The following NCS1 variants were observed in gnomAD, a reference collection of about 807,000 sequenced individuals.
NCS1 encodes frequenin homolog.
In NCS1, 6 loss-of-function variants were observed where a neutral mutation model predicts 28.4. That is an observed-to-expected ratio of 0.21 (90% confidence interval 0.12 to 0.42). The LOEUF (loss-of-function observed/expected upper bound fraction) is 0.42. NCS1 is among the 10% of genes least tolerant of loss of function. NCS1 has a pLI of 1.00. For synonymous variants in NCS1, 86 were observed against 99.3 expected (o/e 0.87, Z 0.79); for missense variants, 131 against 241.4 (o/e 0.54, Z 3.03).
chr9:130,218,031 GTCTCCACACCCACTC>G, intron 3 of NCS1, 61 bp downstream of exon 3: 1 of 1,601,498 alleles, frequency 6.2e-7, no homozygotes, highest in Non-Finnish European at 8.5e-7. Flanking sequence ...TACCCGCAGC[GTCTCCACACCCACTC>G]TCTCCTGCCG....
At position 130,235,431 on chromosome 9, in the gene NCS1, G is replaced by T. The variant is rs1467442904; in HGVS notation, c.*2459G>T. The T allele has an allele frequency of 6.6e-6, 1 of 152,576 alleles. No individual in the cohort carries two copies. The highest frequency in any genetic ancestry group is 1.5e-5 in the Non-Finnish European group (1 of 68,302). The allele number at this position is 152,576 out of a possible 1,614,324, so 9.5% of individuals were successfully genotyped here. A position where few individuals can be genotyped will look rare whatever the true frequency, so the allele number is the denominator to read the frequency against. ...TCTCTGGTCCAATGGGACTGACACT[G>T]TTGTACAACCTGACCTGTGGCTGAG... On this transcript the variant is annotated 3_prime_UTR_variant, in exon 8 of 8. Transcript: ENST00000372398.
At chr9:130,198,048 G>GAT (rs1554907037) in intron 1 of NCS1, among the ~76,000 whole-genome samples, 1 of 151,794 alleles carries the variant, frequency 6.6e-6, no homozygotes, top group Non-Finnish European at 1.5e-5. Context: ...GGTGCCAGGG[G>GAT]ATACCTGCCA....
intron 1 of NCS1, among the ~76,000 whole-genome samples, chr9:130,176,057 T>A (rs782621425): frequency 2.0e-5 from 3 of 152,130 alleles, no homozygotes; most frequent in Non-Finnish European, 4.4e-5. Flanking sequence ...GGGTAACTCA[T>A]GTGCAGTGTG....
At chr9:130,216,066 A>T (rs1833180093) in intron 2 of NCS1, among the ~76,000 whole-genome samples, 1 of 152,166 alleles carries the variant, frequency 6.6e-6, no homozygotes, top group Admixed American at 6.5e-5. Context: ...TGGGTGCCCC[A>T]CATGTCCCTT....
In NCS1 at chr9:130,172,626, G is replaced by A. The variant is rs371927482; in HGVS notation, c.-38G>A. The A allele has an allele frequency of 2.0e-3, 2,786 of 1,368,140 alleles. 6 individuals are homozygous for A. The highest frequency in any genetic ancestry group is 2.5e-3 in the Non-Finnish European group (2,604 of 1,034,832). 84.8% of individuals were successfully genotyped at this position (1,368,140 alleles called of 1,614,324 possible). ...CCGCTCCTGCTGGGCGCCCCAACCG[G>A]GTCCGGCCCGGGGGGGCGGGGGCCG... On this transcript the variant is annotated 5_prime_UTR_variant, in exon 1 of 8. Transcript: ENST00000372398.
rs545579229 is a variant in NCS1, at chr9:130,175,485, G to A, written c.64+2758G>A. Among the ~76,000 whole-genome samples, 67 of 152,310 alleles carry A rather than the reference G, an allele frequency of 4.4e-4. No homozygotes were observed. The highest frequency in any genetic ancestry group is 6.8e-3 in the Middle Eastern group (2 of 294). Reference sequence around the variant, plus strand: ...GCCCAGGAATTTGCATCCTTGACACGTGTTTGTGCTGCAGATGGTGGTCCT... The same window carrying A: ...GCCCAGGAATTTGCATCCTTGACACATGTTTGTGCTGCAGATGGTGGTCCT... On this transcript the variant is annotated intron_variant, in intron 1 of 7. Coordinates refer to ENST00000372398, the MANE Select transcript of NCS1 (RefSeq NM_014286.4). The surrounding 1 kb of genome is among the most constrained non-coding windows in gnomAD (Gnocchi z 4.9).
In NCS1 at chr9:130,209,547, G is replaced by A. The variant is rs1202680901; in HGVS notation, c.90-8285G>A. ...TCTATGCCAGGCCAGTGCCGGTTGCGGGCGGGCATCCGGGACTGAGGGGGG... is the reference window on the plus strand; with the variant it reads ...TCTATGCCAGGCCAGTGCCGGTTGCAGGCGGGCATCCGGGACTGAGGGGGG... On this transcript the variant is annotated intron_variant, in intron 2 of 7. Transcript: ENST00000372398. The surrounding 1 kb of genome is among the most constrained non-coding windows in gnomAD (Gnocchi z 4.4). Among the ~76,000 whole-genome samples the A allele has an allele frequency of 6.6e-6, 1 of 152,178 alleles. No homozygotes were observed. Among genetic ancestry groups the A allele is most frequent in the Non-Finnish European group, 1.5e-5 (1 of 68,032 alleles).
chr9:130,224,219 C>T (rs1437924553), intron 6 of NCS1, among the ~76,000 whole-genome samples: 2 of 148,222 alleles, frequency 1.3e-5, no homozygotes, highest in African/African-American at 5.0e-5. Context: ...TTTTGGGAGG[C>T]CGAGGCGGGT....
intron 4 of NCS1, among the ~76,000 whole-genome samples, chr9:130,221,240 T>A (rs1463522284): frequency 1.3e-5 from 2 of 150,802 alleles, no homozygotes; most frequent in African/African-American, 4.9e-5. Flanking sequence ...GCCAGGCTGG[T>A]CTCGAACTCC....
At chr9:130,206,611 C>T (rs546084405) in intron 2 of NCS1, among the ~76,000 whole-genome samples, 2 of 152,064 alleles carry the variant, frequency 1.3e-5, no homozygotes, top group South Asian at 2.1e-4. Flanking sequence ...GATTTCACCA[C>T]GCTGGCCAGG....
chr9:130,226,526 G>A lies in NCS1; in HGVS notation c.*17+22G>A. The stretch of plus-strand genomic sequence containing the variant: ...CTGGGTGAGTGCAGACTCGGGGCCT[G>A]GGGTGGGTCTGGGATGGGTCAGGGG... On this transcript the variant is annotated intron_variant, in intron 7 of 7. Coordinates refer to ENST00000372398, the MANE Select transcript of NCS1 (RefSeq NM_014286.4). This position sits in a 1 kb window ranked among gnomAD's most constrained non-coding sequence, Gnocchi z 4.8. 8 of 1,576,480 alleles carry A rather than the reference G, an allele frequency of 5.1e-6. No individual in the cohort carries two copies. Among genetic ancestry groups the A allele is most frequent in the Non-Finnish European group, 6.9e-6 (8 of 1,152,706 alleles).
At chr9:130,199,098 C>CT (rs10712829) in intron 1 of NCS1, among the ~76,000 whole-genome samples, 93 of 145,236 alleles carry the variant, frequency 6.4e-4, no homozygotes, top group African/African-American at 1.6e-3. Flanking sequence ...CTCTCTTTCT[C>CT]TTTTTTTTTT....
Position 130,177,282 on chromosome 9 carries a change from G to A in NCS1, c.64+4555G>A, listed in dbSNP as rs1554904724. On this transcript the variant is annotated intron_variant, in intron 1 of 7. Transcript: ENST00000372398. The surrounding 1 kb of genome is among the most constrained non-coding windows in gnomAD (Gnocchi z 4.4). ...CCATGAGGGCCCCTTCCTCTAGGGTGAGGAATATTCTCTGATCATCACTCC... is the reference window on the plus strand; with the variant it reads ...CCATGAGGGCCCCTTCCTCTAGGGTAAGGAATATTCTCTGATCATCACTCC... Among the ~76,000 whole-genome samples, 4 of 152,278 alleles carry A rather than the reference G, an allele frequency of 2.6e-5. No individual in the cohort carries two copies. Among genetic ancestry groups the A allele is most frequent in the African/African-American group, 9.6e-5 (4 of 41,564 alleles).
chr9:130,172,903 C>T (rs1832505486), intron 1 of NCS1, among the ~76,000 whole-genome samples, 176 bp downstream of exon 1: 1 of 151,356 alleles, frequency 6.6e-6, no homozygotes, highest in Non-Finnish European at 1.5e-5. Context: ...CCCTGCCCCC[C>T]GCCCGGCCCC....
At chr9:130,178,238 G>T (rs188631568) in intron 1 of NCS1, among the ~76,000 whole-genome samples, 1 of 152,190 alleles carries the variant, frequency 6.6e-6, no homozygotes, top group Non-Finnish European at 1.5e-5. Flanking sequence ...TCCAGGGCAG[G>T]TGGCCTGTGG....
chr9:130,189,511 C>T (rs1267368338), intron 1 of NCS1, among the ~76,000 whole-genome samples: 5 of 152,006 alleles, frequency 3.3e-5, no homozygotes, highest in South Asian at 2.1e-4. Context: ...AGGGTCCCCA[C>T]CAGGAATCTT....
At chr9:130,197,022 T>C (rs565069110) in intron 1 of NCS1, among the ~76,000 whole-genome samples, 2 of 152,370 alleles carry the variant, frequency 1.3e-5, no homozygotes, top group East Asian at 1.9e-4. Context: ...AGTGGTCTTG[T>C]AGAATGTCCC....
In NCS1 at chr9:130,175,520, G is replaced by T. The variant is rs1216921155; in HGVS notation, c.64+2793G>T. ...TGCAGATGGTGGTCCTGGGGAGCCC[G>T]GATTGAAGACCACAGTTCCAGTGTA... On this transcript the variant is annotated intron_variant, in intron 1 of 7. Transcript: ENST00000372398. The surrounding 1 kb of genome is among the most constrained non-coding windows in gnomAD (Gnocchi z 4.9). 6.6e-6 allele frequency among the ~76,000 whole-genome samples: 1 copy of T among 152,160 alleles called. No individual in the cohort carries two copies. The highest frequency in any genetic ancestry group is 2.4e-5 in the African/African-American group (1 of 41,434).
At position 130,200,622 on chromosome 9, in the gene NCS1, G is replaced by C. The variant is rs183560168; in HGVS notation, c.65-336G>C. 6.8e-5 allele frequency: 106 copies of C among 1,551,820 alleles called. No individual in the cohort carries two copies. The African/African-American group carries it at 1.1e-3, about 16-fold the overall frequency. ...GAGAGATGGCAACGAGTAAGTCTTA[G>C]ATGTTGGCCTGGGAGCAAGGGCTGT... is the stretch of plus-strand genomic sequence containing the variant. On this transcript the variant is annotated intron_variant, in intron 1 of 7. Transcript: ENST00000372398.
Sources: allele counts gnomAD v4.1 joint callset (sites outside exome capture counted in the v4.1 genomes callset), GRCh38; gene constraint gnomAD v4.1.1; non-coding constraint Gnocchi (gnomAD v3.1); transcripts MANE v1.5; gene names NCBI Gene and HGNC (gene_info 2026-07-23, HGNC 2026-07-21).